Variants in P2RX5 observed in about 807,000 individuals in gnomAD.
P2RX5 encodes P2X purinoceptor 5.
A neutral mutation model predicts 54.1 loss-of-function variants in P2RX5; 46 were observed. The ratio of observed to expected loss-of-function variants is 0.85; its 90% confidence interval spans 0.67 to 1.09. P2RX5 has a LOEUF of 1.09. P2RX5 is among the 50% of genes least tolerant of loss of function. The probability of loss-of-function intolerance (pLI) is 0.00; values close to 1 mark genes in which losing one functional copy is unlikely to be tolerated. For synonymous variants in P2RX5, 226 were observed against 226.4 expected (o/e 1.00, Z 0.02); for missense variants, 566 against 549.8 (o/e 1.03, Z -0.29).
intron 11 of P2RX5, among the ~76,000 whole-genome samples, chr17:3,679,382 A>C (rs1296917159): frequency 6.6e-6 from 1 of 152,158 alleles, no homozygotes; most frequent in Non-Finnish European, 1.5e-5. Context: ...ATGGCCATCC[A>C]GGGTCTCGGG....
the P2RX5 span, among the ~76,000 whole-genome samples, chr17:3,713,160 C>A: frequency 6.6e-6 from 1 of 152,040 alleles, no homozygotes; most frequent in Non-Finnish European, 1.5e-5. Flanking sequence ...AGTTTGAAAT[C>A]AGCTTGGTCA....
chr17:3,697,620 T>C (rs1285586132), upstream of P2RX5, among the ~76,000 whole-genome samples: 2 of 152,158 alleles, frequency 1.3e-5, no homozygotes, highest in Non-Finnish European at 2.9e-5. Flanking sequence ...ATGGGAATCA[T>C]GTGGAAGAAA....
intron 10 of P2RX5, among the ~76,000 whole-genome samples, chr17:3,681,011 C>G (rs1366597487): frequency 6.7e-6 from 1 of 150,292 alleles, no homozygotes; most frequent in Non-Finnish European, 1.5e-5. Context: ...GCATCCTCCA[C>G]CCTGCATCCT....
chr17:3,689,357 C>T lies in P2RX5; in HGVS notation c.753+135G>A, dbSNP rs1188585466. On this transcript the variant is annotated intron_variant, in intron 7 of 11. Coordinates refer to ENST00000225328, the MANE Select transcript of P2RX5 (RefSeq NM_002561.4). ...TGTGCCACAGCCAGTTCTGAAAACA[C>T]TGAGTCCCTGGGGGCAGGTGACTTT... 5 of 666,514 alleles carry T rather than the reference C, an allele frequency of 7.5e-6. No homozygotes were observed. In the Admixed American group the frequency reaches 9.4e-5, roughly 12 times the overall value. 41.3% of individuals were successfully genotyped at this position (666,514 alleles called of 1,614,324 possible).
the P2RX5 span, among the ~76,000 whole-genome samples, chr17:3,705,696 G>A: frequency 1.3e-5 from 2 of 152,174 alleles, no homozygotes; most frequent in East Asian, 1.9e-4. Flanking sequence ...AACAAAGAAC[G>A]AATGAATGAA....
chr17:3,705,443 T>G, the P2RX5 span, among the ~76,000 whole-genome samples: 2 of 152,136 alleles, frequency 1.3e-5, no homozygotes, highest in Non-Finnish European at 2.9e-5. Flanking sequence ...CAGGTGGATC[T>G]CTCCTCTGTT....
chr17:3,709,250 C>T, the P2RX5 span, among the ~76,000 whole-genome samples: 1 of 152,130 alleles, frequency 6.6e-6, no homozygotes, highest in Non-Finnish European at 1.5e-5. Flanking sequence ...GAAAGATACA[C>T]GTTAAACCAG....
intron 9 of P2RX5, among the ~76,000 whole-genome samples, chr17:3,685,304 A>G (rs1218907164): frequency 6.6e-6 from 1 of 152,178 alleles, no homozygotes; most frequent in African/African-American, 2.4e-5. Context: ...GGCTCTGGAA[A>G]GAGACTCGGG....
chr17:3,708,875 C>T, the P2RX5 span, among the ~76,000 whole-genome samples: 1 of 105,888 alleles, frequency 9.4e-6, no homozygotes, highest in East Asian at 2.2e-4. Context: ...TGCAACCCCC[C>T]TCAAAAAAAA....
chr17:3,723,619 C>T, the P2RX5 span: 34 of 1,442,864 alleles, frequency 2.4e-5, no homozygotes, highest in Non-Finnish European at 3.1e-5. Flanking sequence ...GAAAAACAGT[C>T]TCCTGGCCTC....
chr17:3,719,723 TTTTA>T, the P2RX5 span, among the ~76,000 whole-genome samples: 56 of 151,748 alleles, frequency 3.7e-4, no homozygotes, highest in African/African-American at 1.3e-3. Flanking sequence ...GTAATTCATT[TTTTA>T]TTTATTTATT....
At chr17:3,720,492 A>T in the P2RX5 span, 2 of 676,744 alleles carry the variant, frequency 3.0e-6, no homozygotes, top group Non-Finnish European at 5.4e-6. Context: ...CTTTCCCTTT[A>T]AAGGTATTCC....
At chr17:3,718,865 C>CA in the P2RX5 span, among the ~76,000 whole-genome samples, 1 of 152,152 alleles carries the variant, frequency 6.6e-6, no homozygotes, top group East Asian at 1.9e-4. Context: ...AAAATCTGGG[C>CA]AGTGCAATAA....
chr17:3,678,297 C>T (rs934419198), intron 11 of P2RX5, among the ~76,000 whole-genome samples: 3 of 152,234 alleles, frequency 2.0e-5, no homozygotes, highest in African/African-American at 7.2e-5. Context: ...AAGCCCAGCA[C>T]GCATAGATGC....
At chr17:3,719,235 CAAAAAAAAAAAAA>C in the P2RX5 span, among the ~76,000 whole-genome samples, 3 of 66,246 alleles carry the variant, frequency 4.5e-5, no homozygotes, top group Non-Finnish European at 8.8e-5. Context: ...GATTCTTCCT[CAAAAAAAAAAAAA>C]AAAAAAAAGA....
upstream of P2RX5, among the ~76,000 whole-genome samples, chr17:3,697,228 C>T (rs1384791726): frequency 6.6e-6 from 1 of 152,126 alleles, no homozygotes; most frequent in African/African-American, 2.4e-5. Flanking sequence ...TGCGCATGTA[C>T]CAACTGTTTG....
upstream of P2RX5, among the ~76,000 whole-genome samples, chr17:3,698,278 T>C (rs935685960): frequency 2.0e-5 from 3 of 152,042 alleles, no homozygotes; most frequent in African/African-American, 7.2e-5. Context: ...GGAGGTGGAC[T>C]TTCAGAGTCT....
the P2RX5 span, among the ~76,000 whole-genome samples, chr17:3,718,675 A>G: frequency 4.4e-3 from 666 of 152,358 alleles, 8 homozygotes; most frequent in African/African-American, 0.015. Context: ...ATGCTATAGA[A>G]ATAAAAGTAT....
chr17:3,692,080 A>T (rs1016860360), intron 1 of P2RX5: 2 of 446,166 alleles, frequency 4.5e-6, no homozygotes, highest in African/African-American at 4.0e-5. Context: ...CGAGGCAGGC[A>T]GATCGCAAGG....
Sources: gnomAD v4.1 joint callset for allele counts (sites outside exome capture counted in the v4.1 genomes callset) on GRCh38, gnomAD v4.1.1 for gene constraint, MANE v1.5 for transcripts, NCBI Gene and HGNC (gene_info 2026-07-23, HGNC 2026-07-21) for gene names.